VCF1: variants seen among roughly 807,000 people sequenced by gnomAD.
The protein encoded by VCF1 is VCP nuclear cofactor family member 1.
the VCF1 span, among the ~76,000 whole-genome samples, chr17:73,225,305 A>G: frequency 6.6e-6 from 1 of 152,188 alleles, no homozygotes; most frequent in East Asian, 1.9e-4. Context: ...CTGTGAGACC[A>G]ATGCACGGAT....
At chr17:73,225,041 A>G in the VCF1 span, among the ~76,000 whole-genome samples, 2 of 152,116 alleles carry the variant, frequency 1.3e-5, no homozygotes, top group Non-Finnish European at 2.9e-5. Flanking sequence ...ACAGCACAGG[A>G]CGGCACAGCA....
chr17:73,232,300 C>T, the VCF1 span: 48 of 1,580,640 alleles, frequency 3.0e-5, no homozygotes, highest in Non-Finnish European at 4.1e-5. Flanking sequence ...GCTCCGCGCC[C>T]CCCCATGTCG....
the VCF1 span, chr17:73,227,283 G>GATA: frequency 7.1e-7 from 1 of 1,410,918 alleles, no homozygotes. Flanking sequence ...AAATCACAAG[G>GATA]AGAAAAAAAA....
the VCF1 span, chr17:73,208,454 T>C: frequency 6.2e-7 from 1 of 1,614,016 alleles, no homozygotes; most frequent in Admixed American, 1.7e-5. Flanking sequence ...CTAAGTAACA[T>C]GGCAACACAT....
the VCF1 span, chr17:73,229,166 A>G: frequency 1.0e-6 from 1 of 985,472 alleles, no homozygotes. Flanking sequence ...CTCTCAAGGC[A>G]CCAGAATAAT....
the VCF1 span, chr17:73,207,717 TA>T: frequency 1.3e-5 from 17 of 1,291,902 alleles, no homozygotes; most frequent in Non-Finnish European, 1.7e-5. Context: ...TGCCAACTGT[TA>T]AGCCTGCAGG....
At chr17:73,225,369 T>G in the VCF1 span, among the ~76,000 whole-genome samples, 1 of 151,540 alleles carries the variant, frequency 6.6e-6, no homozygotes, top group South Asian at 2.1e-4. Context: ...AATAAATAAA[T>G]AAAATTTAAA....
the VCF1 span, chr17:73,208,163 G>C: frequency 6.5e-7 from 1 of 1,530,552 alleles, no homozygotes; most frequent in Non-Finnish European, 8.7e-7. Context: ...TTCAAATCTG[G>C]ACCGACAGCA....
the VCF1 span, among the ~76,000 whole-genome samples, chr17:73,218,666 C>T: frequency 2.0e-5 from 3 of 152,118 alleles, no homozygotes; most frequent in African/African-American, 7.2e-5. Flanking sequence ...GGGCAGATCA[C>T]CTGGGCTCGG....
At chr17:73,213,108 G>A in the VCF1 span, among the ~76,000 whole-genome samples, 1 of 152,096 alleles carries the variant, frequency 6.6e-6, no homozygotes, top group Non-Finnish European at 1.5e-5. Flanking sequence ...GCTGGGCGTG[G>A]TGGTGTGTGC....
the VCF1 span, among the ~76,000 whole-genome samples, chr17:73,215,005 C>T: frequency 6.6e-6 from 1 of 152,294 alleles, no homozygotes; most frequent in Middle Eastern, 3.4e-3. Context: ...AGGCTATTTT[C>T]ATGACACAAT....
the VCF1 span, among the ~76,000 whole-genome samples, chr17:73,221,158 A>G: frequency 2.7e-5 from 4 of 147,664 alleles, no homozygotes; most frequent in African/African-American, 5.2e-5. Context: ...TGGCCTCCCA[A>G]AGTGCTGGGA....
chr17:73,207,809 G>GTTGT, the VCF1 span: 1 of 1,284,302 alleles, frequency 7.8e-7, no homozygotes, highest in Non-Finnish European at 1.0e-6. Flanking sequence ...ACAGCATCGA[G>GTTGT]TTGTTTGCTT....
the VCF1 span, chr17:73,212,721 T>C: frequency 6.3e-7 from 1 of 1,591,584 alleles, no homozygotes; most frequent in Non-Finnish European, 8.6e-7. Context: ...TTCTTTACTG[T>C]TTCTCATTAC....
At chr17:73,209,856 G>C in the VCF1 span, 1 of 1,502,506 alleles carries the variant, frequency 6.7e-7, no homozygotes, top group African/African-American at 1.4e-5. Flanking sequence ...GCTCTATTAA[G>C]AGTACCTTTC....
chr17:73,223,517 C>T, the VCF1 span, among the ~76,000 whole-genome samples: 1 of 152,092 alleles, frequency 6.6e-6, no homozygotes, highest in Admixed American at 6.5e-5. Context: ...ACTTGTGGCA[C>T]AATTTAATGG....
At chr17:73,224,942 C>CAGGAT in the VCF1 span, among the ~76,000 whole-genome samples, 1 of 42,106 alleles carries the variant, frequency 2.4e-5, no homozygotes, top group African/African-American at 7.8e-5. Flanking sequence ...CAGCACAGCA[C>CAGGAT]AGCACAGCAC....
the VCF1 span, among the ~76,000 whole-genome samples, chr17:73,211,219 G>T: frequency 0.061 from 9,224 of 151,566 alleles, 390 homozygotes; most frequent in Non-Finnish European, 0.086. Context: ...ACTTTGGTTG[G>T]CTGAGGCAGG....
chr17:73,225,056 A>G, the VCF1 span, among the ~76,000 whole-genome samples: 2 of 152,398 alleles, frequency 1.3e-5, no homozygotes, highest in African/African-American at 4.8e-5. Context: ...ACAGCAGGCT[A>G]TTCTGGTCAA....
Sources: allele counts gnomAD v4.1 joint callset (sites outside exome capture counted in the v4.1 genomes callset), GRCh38; gene constraint gnomAD v4.1.1; transcripts MANE v1.5; gene names NCBI Gene and HGNC (gene_info 2026-07-23, HGNC 2026-07-21).